ATP2C1: variants seen among roughly 807,000 people sequenced by gnomAD.
ATP2C1 encodes ATPase secretory pathway Ca2+ transporting 1.
Under a neutral mutation model 120.5 loss-of-function variants are expected in ATP2C1, and 31 were observed. That is an observed-to-expected ratio of 0.26 (90% CI 0.19 to 0.35). ATP2C1 has a LOEUF of 0.35. Ranked by LOEUF, ATP2C1 falls within the 10% of genes least tolerant of loss-of-function variation. The pLI is 1.00. For missense variants in ATP2C1, 731 were observed against 1,107.5 expected, an observed-to-expected ratio of 0.66 and a Z score of 4.83; for synonymous variants, 351 against 358.7, an observed-to-expected ratio of 0.98 and a Z score of 0.24.
At chr3:130,884,549 T>C (rs1355398474) in intron 1 of ATP2C1, among the ~76,000 whole-genome samples, 2 of 152,222 alleles carry the variant, frequency 1.3e-5, no homozygotes, top group Non-Finnish European at 2.9e-5. Flanking sequence ...TTAAATTTGA[T>C]GTTTGTTGAT....
chr3:130,935,846 A>G (rs1020998262), intron 5 of ATP2C1, among the ~76,000 whole-genome samples: 2 of 152,180 alleles, frequency 1.3e-5, no homozygotes, highest in Non-Finnish European at 2.9e-5. Context: ...ATAATAATTT[A>G]TGTAATGAAA....
chr3:130,865,605 T>C (rs563619451), intron 1 of ATP2C1, among the ~76,000 whole-genome samples: 7 of 152,304 alleles, frequency 4.6e-5, no homozygotes, highest in South Asian at 2.1e-4. Flanking sequence ...AATTGAATCA[T>C]AGGGGCCAGT....
In ATP2C1 at chr3:130,885,078, C is replaced by T. The variant is rs149787632; in HGVS notation, c.108+34150C>T. ...CCTCTGGAGTAGCTGGGATTACAGG[C>T]ACCTGCGACAACGCCCAGCTAATTT... On this transcript the variant is annotated intron_variant, in intron 1 of 26. Transcript: ENST00000504381. 4.7e-3 allele frequency among the ~76,000 whole-genome samples: 721 copies of T among 152,062 alleles called. 5 individuals carry two copies. Among genetic ancestry groups the T allele is most frequent in the African/African-American group, 0.016 (658 of 41,496 alleles).
At chr3:131,010,308 A>G (rs901603309) in intron 26 of ATP2C1, among the ~76,000 whole-genome samples, 1 of 149,112 alleles carries the variant, frequency 6.7e-6, no homozygotes, top group African/African-American at 2.5e-5. Flanking sequence ...CTCCGGCCTC[A>G]GCCTCCCAAG....
intron 1 of ATP2C1, among the ~76,000 whole-genome samples, chr3:130,877,770 T>C (rs1000569058): frequency 6.6e-6 from 1 of 152,072 alleles, no homozygotes; most frequent in African/African-American, 2.4e-5. Flanking sequence ...TCATTTGACC[T>C]AGCCATCCCA....
chr3:130,962,073 T>C (rs1175682997), intron 12 of ATP2C1, among the ~76,000 whole-genome samples: 1 of 152,066 alleles, frequency 6.6e-6, no homozygotes, highest in Non-Finnish European at 1.5e-5. Flanking sequence ...CCATCTCTTT[T>C]AGCTAAACGA....
At chr3:130,850,746 G>A in exon 1 of ATP2C1, 1 of 664,206 alleles carries the variant, frequency 1.5e-6, no homozygotes, top group Non-Finnish European at 2.4e-6. Context: ...AGGCATCTGA[G>A]GAATTGCTAA....
intron 1 of ATP2C1, among the ~76,000 whole-genome samples, chr3:130,860,394 T>C (rs190955746): frequency 1.3e-5 from 2 of 152,334 alleles, no homozygotes; most frequent in Non-Finnish European, 2.9e-5. Context: ...CTACTCACCC[T>C]AAAGGTGGCA....
chr3:130,969,679 A>AT (rs1203905219), intron 17 of ATP2C1, among the ~76,000 whole-genome samples: 2 of 152,114 alleles, frequency 1.3e-5, no homozygotes, highest in Non-Finnish European at 2.9e-5. Flanking sequence ...GTGACATCAG[A>AT]TTTTTTCAGA....
At chr3:131,015,333 A>G (rs939373259) in intron 26 of ATP2C1, 7 of 644,758 alleles carry the variant, frequency 1.1e-5, no homozygotes, top group Admixed American at 7.7e-5. Flanking sequence ...ACAAAACACA[A>G]TCTATCTCCT....
At chr3:130,918,415 C>T (rs955000755) in intron 2 of ATP2C1, 20 of 1,093,730 alleles carry the variant, frequency 1.8e-5, no homozygotes, top group Non-Finnish European at 2.7e-5. Flanking sequence ...ACCTTCTCAG[C>T]AGCATGTACG....
At chr3:130,947,985 T>G (rs2108505037) in intron 8 of ATP2C1, among the ~76,000 whole-genome samples, 1 of 152,328 alleles carries the variant, frequency 6.6e-6, no homozygotes, top group South Asian at 2.1e-4. Context: ...ATCTTTGTTA[T>G]TTTTGCAAAT....
intron 5 of ATP2C1, 53 bp from the exon 6 acceptor site, chr3:130,937,375 A>T: frequency 6.9e-7 from 1 of 1,456,964 alleles, no homozygotes; most frequent in Non-Finnish European, 9.6e-7. Context: ...AATACAGTTA[A>T]CAGTTACTTC....
chr3:130,952,173 T>C (rs218492), intron 8 of ATP2C1, among the ~76,000 whole-genome samples: 141,582 of 152,176 alleles, frequency 0.93, 66,073 homozygotes, highest in African/African-American at 0.97. Context: ...TTGTTTTCCC[T>C]CTACCTGGCA....
chr3:130,955,114 C>T, intron 10 of ATP2C1, 34 bp downstream of exon 10: 2 of 1,408,344 alleles, frequency 1.4e-6, no homozygotes, highest in Non-Finnish European at 2.0e-6. Flanking sequence ...TGTATTTGTT[C>T]CAAATCTGAA....
chr3:131,006,627 GTGTGTGTT>G (rs1269021498), downstream of ATP2C1, among the ~76,000 whole-genome samples: 47 of 61,272 alleles, frequency 7.7e-4, 1 homozygote, highest in East Asian at 0.013. Context: ...CAGATTTCTA[GTGTGTGTT>G]TGTGTGTGTG....
chr3:130,940,519 G>T, intron 6 of ATP2C1, 111 bp from the exon 7 acceptor site: 1 of 766,892 alleles, frequency 1.3e-6, no homozygotes. Flanking sequence ...CACAAGTAAA[G>T]GAAAAGATGA....
chr3:130,918,285 CA>C, intron 2 of ATP2C1: 1 of 1,550,998 alleles, frequency 6.4e-7, no homozygotes, highest in Non-Finnish European at 8.9e-7. Flanking sequence ...AAGTTCTTTG[CA>C]TAGCACCCTT....
intron 17 of ATP2C1, among the ~76,000 whole-genome samples, chr3:130,974,956 A>G (rs1377547371): frequency 6.6e-6 from 1 of 152,196 alleles, no homozygotes; most frequent in Non-Finnish European, 1.5e-5. Context: ...GGGAGAATTA[A>G]ATGGTGTTTT....
Sources: allele counts gnomAD v4.1 joint callset (sites outside exome capture counted in the v4.1 genomes callset), GRCh38; gene constraint gnomAD v4.1.1; transcripts MANE v1.5; gene names NCBI Gene and HGNC (gene_info 2026-07-23, HGNC 2026-07-21).